The following TRAF5 variants were observed in gnomAD, a reference collection of about 807,000 sequenced individuals.
TRAF5 encodes the protein TNF receptor-associated factor 5.
A neutral mutation model predicts 64.5 loss-of-function variants in TRAF5; 48 were observed. The observed-to-expected ratio is 0.74, with a 90% CI of 0.59 to 0.95. The LOEUF is 0.95. TRAF5 is among the 40% of genes least tolerant of loss of function. The pLI, the probability that TRAF5 is intolerant of heterozygous loss-of-function variation, is 0.00. For synonymous variants in TRAF5, 206 were observed against 240.5 expected, an observed-to-expected ratio of 0.86 and a Z score of 1.33; for missense variants, 545 against 662.8, an observed-to-expected ratio of 0.82 and a Z score of 1.95.
intron 1 of TRAF5, among the ~76,000 whole-genome samples, chr1:211,345,332 A>G (rs1702569886): frequency 6.6e-6 from 1 of 151,826 alleles, no homozygotes; most frequent in Non-Finnish European, 1.5e-5. Context: ...TTGGGATTAC[A>G]GGCTTGAGCC....
At position 211,351,031 on chromosome 1, in the gene TRAF5, C is replaced by CTTT. The variant is rs11426853; in HGVS notation, c.-1-2191_-1-2189dup. Among the ~76,000 whole-genome samples, 70 of 116,008 alleles carry CTTT rather than the reference C, an allele frequency of 6.0e-4. 1 individual carries two copies. Among genetic ancestry groups the CTTT allele is most frequent in the African/African-American group, 1.0e-3 (30 of 29,798 alleles). The allele number at this position is 116,008 out of a possible 152,430, so 76.1% of individuals were successfully genotyped here. On this transcript the variant is annotated intron_variant, in intron 1 of 10. Transcript: ENST00000261464. ...CTGCTCTCTCTGTCTCTGGCCTCTT[C>CTTT]TTTTTTTTTTTTTTTTTTTGAGACG...
At chr1:211,337,098 A>G (rs752125204) in intron 1 of TRAF5, among the ~76,000 whole-genome samples, 2 of 152,258 alleles carry the variant, frequency 1.3e-5, no homozygotes, top group Admixed American at 1.3e-4. Context: ...GCTGGAGCTT[A>G]TATTCTATTC....
At chr1:211,362,900 A>G (rs1214456537) in intron 7 of TRAF5, among the ~76,000 whole-genome samples, 1 of 152,216 alleles carries the variant, frequency 6.6e-6, no homozygotes, top group African/African-American at 2.4e-5. Flanking sequence ...TCCTTAATAT[A>G]CAAAGAAACC....
intron 8 of TRAF5, among the ~76,000 whole-genome samples, chr1:211,368,617 T>C (rs1703428045): frequency 6.6e-6 from 1 of 152,206 alleles, no homozygotes; most frequent in Admixed American, 6.5e-5. Context: ...TTTAAGTCTT[T>C]TTGTTTCTGT....
At chr1:211,355,698 T>C (rs982296598) in intron 3 of TRAF5, among the ~76,000 whole-genome samples, 1 of 152,238 alleles carries the variant, frequency 6.6e-6, no homozygotes. Context: ...ATTCTTTTTA[T>C]GTAATGGTGG....
intron 1 of TRAF5, among the ~76,000 whole-genome samples, chr1:211,341,079 A>C (rs539956795): frequency 2.0e-5 from 3 of 152,296 alleles, no homozygotes; most frequent in African/African-American, 7.2e-5. Context: ...TGACAGCCCC[A>C]TAGCTCCATG....
intron 4 of TRAF5, 195 bp downstream of exon 4, chr1:211,356,663 C>T (rs914931259): frequency 3.9e-5 from 21 of 534,014 alleles, no homozygotes; most frequent in African/African-American, 3.8e-4. Context: ...TGAAGAGGTT[C>T]GTCCTGTATG....
At chr1:211,344,008 C>G (rs1433176489) in intron 1 of TRAF5, among the ~76,000 whole-genome samples, 5 of 152,138 alleles carry the variant, frequency 3.3e-5, no homozygotes, top group Non-Finnish European at 7.4e-5. Flanking sequence ...TCCTCTTGGT[C>G]TGGTTTCTGA....
chr1:211,365,440 T>C lies in TRAF5; in HGVS notation c.761T>C (p.Leu254Ser). ...TTACGGGAGCACATGCGTTTGGTTTTAGAAAAGAATGTCCAATTAGAAGAA... is the reference window on the plus strand; with the variant it reads ...TTACGGGAGCACATGCGTTTGGTTTCAGAAAAGAATGTCCAATTAGAAGAA... ...SALREHMRLVLEKNVQLEEQI... is the reference protein window; with the variant it reads ...SALREHMRLVSEKNVQLEEQI... Residue 254 changes from leucine (L) to serine (S), a missense_variant, in exon 8 of 11, where the codon TTA becomes TCA. Physicochemically the swap from Leu to Ser is moderately radical, Grantham distance 145 (BLOSUM62 -2). Coordinates refer to ENST00000261464, the MANE Select transcript of TRAF5 (RefSeq NM_001033910.3). 6.2e-7 allele frequency: 1 copy of C among 1,613,778 alleles called. No homozygotes were observed. Among genetic ancestry groups the C allele is most frequent in the Non-Finnish European group, 8.5e-7 (1 of 1,179,816 alleles).
chr1:211,367,475 A>G (rs1432442261), intron 8 of TRAF5, among the ~76,000 whole-genome samples: 9 of 152,222 alleles, frequency 5.9e-5, no homozygotes, highest in Admixed American at 5.9e-4. Flanking sequence ...AATGCCTAAC[A>G]CATAATAAGT....
rs963605881 is a variant in TRAF5, at chr1:211,334,971, C to T, written c.-2+8082C>T. ...CCTGGGTTTCAGCCCAGCATGGCCT[C>T]CTACTGCTGTGTGGCCCTTTGAACC... On this transcript the variant is annotated intron_variant, in intron 1 of 10. Transcript: ENST00000261464. Among the ~76,000 whole-genome samples the T allele has an allele frequency of 9.8e-4, 149 of 152,204 alleles. 9 individuals carry two copies. Among genetic ancestry groups the T allele is most frequent in the Admixed American group, 3.3e-4 (5 of 15,286 alleles).
chr1:211,367,650 A>T (rs1029338697), intron 8 of TRAF5, among the ~76,000 whole-genome samples: 4 of 152,184 alleles, frequency 2.6e-5, no homozygotes, highest in Admixed American at 6.5e-5. Context: ...TGGTAATGAT[A>T]TTAACCAAGA....
chr1:211,348,464 G>A (rs1387382472), intron 1 of TRAF5, among the ~76,000 whole-genome samples: 1 of 151,964 alleles, frequency 6.6e-6, no homozygotes, highest in Non-Finnish European at 1.5e-5. Flanking sequence ...GCAGTTTTAG[G>A]TTCACAGCAA....
In TRAF5 at chr1:211,372,702, G is replaced by C; in HGVS notation, c.1674G>C (p.Ter558TyrextTer21). 1 of 1,613,552 alleles carries C rather than the reference G, an allele frequency of 6.2e-7. No individual in the cohort carries two copies. Among genetic ancestry groups the C allele is most frequent in the Non-Finnish European group, 8.5e-7 (1 of 1,179,592 alleles). Residue 558 changes from the stop codon to tyrosine (Y), a stop_lost, in exon 11 of 11, where the codon TAG becomes TAC. Coordinates refer to ENST00000261464, the MANE Select transcript of TRAF5 (RefSeq NM_001033910.3). Reference sequence around the variant, plus strand: ...ACTTAACTGACCTGGAGGATCTCTAGTCACTGTTATGGGGTGATAAGAGGA... The same window carrying C: ...ACTTAACTGACCTGGAGGATCTCTACTCACTGTTATGGGGTGATAAGAGGA... ...AVDLTDLEDL[*>Y]
At chr1:211,355,907 C>T (rs1410821691) in intron 3 of TRAF5, among the ~76,000 whole-genome samples, 4 of 152,194 alleles carry the variant, frequency 2.6e-5, no homozygotes, top group Admixed American at 2.6e-4. Context: ...TGAAATGTGG[C>T]AACAGAGATG....
At chr1:211,370,944 G>A (rs1355156125) in intron 9 of TRAF5, among the ~76,000 whole-genome samples, 1 of 152,194 alleles carries the variant, frequency 6.6e-6, no homozygotes, top group Non-Finnish European at 1.5e-5. Flanking sequence ...AGTGAATCAG[G>A]AGATTGGCTT....
Position 211,372,728 on chromosome 1 carries a change from CT to C in TRAF5, c.*28del. 1 of 1,595,102 alleles carries C rather than the reference CT, an allele frequency of 6.3e-7. No individual in the cohort carries two copies. Among genetic ancestry groups the C allele is most frequent in the Admixed American group, 1.7e-5 (1 of 59,550 alleles). ...TCACTGTTATGGGGTGATAAGAGGACTTCTTGGGGCCAGAACTGTGGAGGAG... is the reference window on the plus strand; with the variant it reads ...TCACTGTTATGGGGTGATAAGAGGACTCTTGGGGCCAGAACTGTGGAGGAG... On this transcript the variant is annotated 3_prime_UTR_variant, in exon 11 of 11. Coordinates refer to ENST00000261464, the MANE Select transcript of TRAF5 (RefSeq NM_001033910.3).
chr1:211,339,814 C>T (rs758107567), intron 1 of TRAF5, among the ~76,000 whole-genome samples: 3 of 152,164 alleles, frequency 2.0e-5, no homozygotes, highest in Admixed American at 6.5e-5. Context: ...TGCTGTCAGG[C>T]GGGAGGGAAT....
chr1:211,360,937 C>G, intron 6 of TRAF5, 151 bp from the exon 7 acceptor site: 1 of 976,838 alleles, frequency 1.0e-6, no homozygotes, highest in Non-Finnish European at 1.6e-6. Context: ...TTCCTGCGAA[C>G]TCTCTTCAAC....
Sources: allele counts gnomAD v4.1 joint callset (sites outside exome capture counted in the v4.1 genomes callset), GRCh38; gene constraint gnomAD v4.1.1; transcripts MANE v1.5; gene names NCBI Gene and HGNC (gene_info 2026-07-23, HGNC 2026-07-21).